LMF1: variants seen among roughly 807,000 people sequenced by gnomAD.
LMF1 encodes lipase maturation factor 1, also known as transmembrane protein 112.
Under a neutral mutation model 60.6 loss-of-function variants are expected in LMF1, and 68 were observed. That is an observed-to-expected ratio of 1.12 (90% CI 0.92 to 1.37). The LOEUF is 1.37. Ranked by LOEUF, LMF1 falls within the 40% of genes most tolerant of loss-of-function variation. The probability of loss-of-function intolerance (pLI) is 0.00; values close to 1 mark genes in which losing one functional copy is unlikely to be tolerated. For missense variants in LMF1, 948 were observed against 767.2 expected (o/e 1.24, Z -2.78); for synonymous variants, 418 against 324.7 (o/e 1.29, Z -3.09).
chr16:918,832 C>T (rs1230651216), intron 3 of LMF1, among the ~76,000 whole-genome samples: 1 of 151,872 alleles, frequency 6.6e-6, no homozygotes, highest in African/African-American at 2.4e-5. Flanking sequence ...CACGCGGGGC[C>T]GGCATCCCGG....
intron 1 of LMF1, chr16:979,191 G>T (rs990030455): frequency 4.6e-6 from 2 of 430,190 alleles, no homozygotes; most frequent in African/African-American, 2.0e-5. Context: ...GCTCCGTCCC[G>T]GCGTCCTCTC....
Position 874,679 on chromosome 16 carries a change from C to T in LMF1, c.898-3338G>A, listed in dbSNP as rs571262967. ...GGATCACGGGAACCAGGACAGGCTC[C>T]GGGGGACGGTGCTCAGATGGGAACA... On this transcript the variant is annotated intron_variant, in intron 6 of 10. Coordinates refer to ENST00000262301, the MANE Select transcript of LMF1 (RefSeq NM_022773.4). This position sits in a 1 kb window ranked among gnomAD's most constrained non-coding sequence, Gnocchi z 4.1. Among the ~76,000 whole-genome samples the T allele has an allele frequency of 9.7e-4, 147 of 152,224 alleles. No individual in the cohort carries two copies. The highest frequency in any genetic ancestry group is 4.1e-3 in the East Asian group (21 of 5,178).
rs770348738 is a variant in LMF1, at chr16:879,681, G to T, written c.786C>A (p.Phe262Leu). ...AYYLHHSPWW[F>L]HRFETLSNHF... is the part of the protein sequence containing the mutation. ...GGTTGCTGAGCGTCTCGAAGCGATGGAACCACCAGGGTGAGTGGTGCAGGT... is the reference window on the plus strand; with the variant it reads ...GGTTGCTGAGCGTCTCGAAGCGATGTAACCACCAGGGTGAGTGGTGCAGGT... The change falls in exon 6 of 11, where the codon TTC becomes TTA. Residue 262 changes from phenylalanine to leucine, a missense_variant. Physicochemically the swap from Phe to Leu is conservative, Grantham distance 22. Transcript: ENST00000262301. 1.2e-5 allele frequency: 20 copies of T among 1,608,102 alleles called. No homozygotes were observed. Among genetic ancestry groups the T allele is most frequent in the Admixed American group, 8.5e-5 (5 of 59,116 alleles).
At chr16:929,590 C>A (rs2071711100) in intron 3 of LMF1, among the ~76,000 whole-genome samples, 1 of 152,234 alleles carries the variant, frequency 6.6e-6, no homozygotes, top group Non-Finnish European at 1.5e-5. Context: ...TCCAGGCTCA[C>A]TGAATATCAA....
chr16:915,589 C>A (rs116928895), intron 3 of LMF1, among the ~76,000 whole-genome samples: 6,518 of 152,204 alleles, frequency 0.043, 151 homozygotes, highest in Non-Finnish European at 0.056. Context: ...CTGGGCTGGG[C>A]AGCCGGCAGC....
intron 10 of LMF1, among the ~76,000 whole-genome samples, chr16:867,316 C>T (rs1354467848): frequency 6.6e-6 from 1 of 152,216 alleles, no homozygotes; most frequent in Non-Finnish European, 1.5e-5. Flanking sequence ...CTTTTTCCAG[C>T]ACCTCCTGGC....
In LMF1 at chr16:853,817, A is replaced by C. The variant is rs1281922399; in HGVS notation, c.*715T>G. On this transcript the variant is annotated 3_prime_UTR_variant, in exon 11 of 11. Coordinates refer to ENST00000262301, the MANE Select transcript of LMF1 (RefSeq NM_022773.4). ...TCAAGGCCTCAGAGGCAGCGAGGTC[A>C]CAGCCTGGTGGAGGGTCTGGGTGTG... 1 of 453,996 alleles carries C rather than the reference A, an allele frequency of 2.2e-6. No homozygotes were observed. The highest frequency in any genetic ancestry group is 4.4e-6 in the Non-Finnish European group (1 of 226,788). The allele number at this position is 453,996 out of a possible 1,614,324, so 28.1% of individuals were successfully genotyped here.
In LMF1 at chr16:962,652, A is replaced by T. The variant is rs2072835727; in HGVS notation, c.194-7986T>A. On this transcript the variant is annotated intron_variant, in intron 1 of 10. Transcript: ENST00000262301. The surrounding 1 kb of genome is among the most constrained non-coding windows in gnomAD (Gnocchi z 4.5). The stretch of plus-strand genomic sequence containing the variant: ...TGAGGGACGCTCTACAGACGCCATG[A>T]CAGGCCTGCTTGACACTGTCAAGGT... Among the ~76,000 whole-genome samples, 1 of 152,176 alleles carries T rather than the reference A, an allele frequency of 6.6e-6. No homozygotes were observed. Among genetic ancestry groups the T allele is most frequent in the African/African-American group, 2.4e-5 (1 of 41,452 alleles).
At position 943,726 on chromosome 16, in the gene LMF1, C is replaced by CAAAAA. The variant is rs3057499; in HGVS notation, c.504-9477_504-9473dup. Reference sequence around the variant, plus strand: ...TGGGGGACAGAATGAGACTCTGTCTCAAAAAAAAAAAAAAAAAAAAAAAAG... The same window carrying CAAAAA: ...TGGGGGACAGAATGAGACTCTGTCTCAAAAAAAAAAAAAAAAAAAAAAAAAAAAAG... On this transcript the variant is annotated intron_variant, in intron 2 of 10. Transcript: ENST00000262301. 1.7e-3 allele frequency among the ~76,000 whole-genome samples: 99 copies of CAAAAA among 56,756 alleles called. 2 individuals carry two copies. The highest frequency in any genetic ancestry group is 5.0e-3 in the African/African-American group (74 of 14,676). 37.2% of individuals were successfully genotyped at this position (56,756 alleles called of 152,430 possible).
In LMF1 at chr16:897,218, A is replaced by T. The variant is rs2070689671; in HGVS notation, c.664-4146T>A. Among the ~76,000 whole-genome samples, 1 of 152,118 alleles carries T rather than the reference A, an allele frequency of 6.6e-6. No individual in the cohort carries two copies. Among genetic ancestry groups the T allele is most frequent in the African/African-American group, 2.4e-5 (1 of 41,416 alleles). On this transcript the variant is annotated intron_variant, in intron 4 of 10. Coordinates refer to ENST00000262301, the MANE Select transcript of LMF1 (RefSeq NM_022773.4). This position sits in a 1 kb window ranked among gnomAD's most constrained non-coding sequence, Gnocchi z 4.3. ...CCCAAATCTGCCATCTGGAAACTCG[A>T]AGTGTCTTGACGGTCGTATGCGGAG... is the stretch of plus-strand genomic sequence containing the variant.
chr16:889,022 G>A (rs542649533), intron 5 of LMF1, among the ~76,000 whole-genome samples: 16 of 152,332 alleles, frequency 1.1e-4, no homozygotes, highest in South Asian at 4.1e-4. Flanking sequence ...GCAAGCGGCC[G>A]TCCATGCATC....
chr16:860,344 G>GT (rs200532346), intron 10 of LMF1, among the ~76,000 whole-genome samples: 1,461 of 144,756 alleles, frequency 0.01, 19 homozygotes, highest in African/African-American at 0.024. Context: ...TTTCCTGAAA[G>GT]TTTTTTTTTT....
chr16:978,352 AC>A (rs774073171), intron 1 of LMF1, among the ~76,000 whole-genome samples: 1 of 107,172 alleles, frequency 9.3e-6, no homozygotes, highest in African/African-American at 4.3e-5. Context: ...ACAAACACAC[AC>A]CACACACACA....
intron 1 of LMF1, among the ~76,000 whole-genome samples, chr16:977,428 C>A (rs954918774): frequency 6.6e-6 from 1 of 152,194 alleles, no homozygotes; most frequent in Non-Finnish European, 1.5e-5. Context: ...CAGCCTGCGC[C>A]GGCCCAGCCT....
intron 3 of LMF1, among the ~76,000 whole-genome samples, chr16:920,359 A>G (rs80031025): frequency 0.012 from 1,888 of 152,374 alleles, 22 homozygotes; most frequent in South Asian, 0.097. Flanking sequence ...AAAGCACAGG[A>G]AAACGTGCTT....
intron 10 of LMF1, chr16:855,042 G>A (rs1388875285): frequency 2.0e-5 from 8 of 407,964 alleles, no homozygotes; most frequent in Non-Finnish European, 2.8e-5. Context: ...GCCTGAGACC[G>A]TTCACAAGGC....
chr16:863,977 T>C (rs1357350747), intron 10 of LMF1, among the ~76,000 whole-genome samples: 1 of 152,270 alleles, frequency 6.6e-6, no homozygotes, highest in Admixed American at 6.5e-5. Context: ...TGCCTGTCGA[T>C]GATGGTGCTC....
At chr16:964,294 TCAAA>T (rs2072878883) in intron 1 of LMF1, among the ~76,000 whole-genome samples, 1 of 97,256 alleles carries the variant, frequency 1.0e-5, no homozygotes, top group Admixed American at 1.1e-4. Context: ...AAACTCTGTC[TCAAA>T]AAAAAAAAAA....
rs1328861438 is a variant in LMF1, at chr16:949,546, C to T, written c.503+4811G>A. Among the ~76,000 whole-genome samples, 23 of 136,806 alleles carry T rather than the reference C, an allele frequency of 1.7e-4. 1 individual carries two copies. Among genetic ancestry groups the T allele is most frequent in the Admixed American group, 1.0e-3 (14 of 13,590 alleles). 89.8% of individuals were successfully genotyped at this position (136,806 alleles called of 152,430 possible). A position where few individuals can be genotyped will look rare whatever the true frequency, so the allele number is the denominator to read the frequency against. The stretch of plus-strand genomic sequence containing the variant: ...CAGCCAACGACAGAGTCAGAGCCAA[C>T]GACAGAGTCAGAGACAATGACAGAG... On this transcript the variant is annotated intron_variant, in intron 2 of 10. Coordinates refer to ENST00000262301, the MANE Select transcript of LMF1 (RefSeq NM_022773.4).
Sources: gnomAD v4.1 joint callset for allele counts (sites outside exome capture counted in the v4.1 genomes callset) on GRCh38, gnomAD v4.1.1 for gene constraint, Gnocchi (gnomAD v3.1) non-coding constraint, MANE v1.5 for transcripts, NCBI Gene and HGNC (gene_info 2026-07-23, HGNC 2026-07-21) for gene names.